Variants in DPYD observed in about 807,000 individuals in gnomAD.
The protein encoded by DPYD is dihydropyrimidine dehydrogenase [NADP(+)].
Under a neutral mutation model 116.2 loss-of-function variants are expected in DPYD, and 109 were observed. The observed-to-expected ratio is 0.94, with a 90% CI of 0.80 to 1.10. The LOEUF is 1.10. Among genes scored for constraint, DPYD ranks in the 50% least tolerant of loss-of-function variants. The probability of loss-of-function intolerance (pLI) is 0.00; values close to 1 mark genes in which losing one functional copy is unlikely to be tolerated. For synonymous variants in DPYD, 440 were observed against 432.0 expected (o/e 1.02, Z -0.23); for missense variants, 1,302 against 1,254.5 (o/e 1.04, Z -0.57).
intron 14 of DPYD, among the ~76,000 whole-genome samples, chr1:97,417,611 T>G (rs1245987605): frequency 6.6e-6 from 1 of 152,206 alleles, no homozygotes; most frequent in African/African-American, 2.4e-5. Context: ...AGCCATATTG[T>G]GTTGCCTGAT....
chr1:97,492,204 C>G (rs968475212), intron 13 of DPYD, among the ~76,000 whole-genome samples: 4 of 152,058 alleles, frequency 2.6e-5, no homozygotes, highest in Non-Finnish European at 5.9e-5. Context: ...AGGGCTTGGA[C>G]TTGTGGAATG....
At chr1:97,574,882 G>A (rs914676275) in intron 10 of DPYD, among the ~76,000 whole-genome samples, 2 of 151,994 alleles carry the variant, frequency 1.3e-5, no homozygotes, top group Non-Finnish European at 2.9e-5. Flanking sequence ...AGGCTCCCTG[G>A]GTAATGTTTC....
At chr1:97,835,993 C>T (rs1460688903) in intron 2 of DPYD, among the ~76,000 whole-genome samples, 1 of 152,132 alleles carries the variant, frequency 6.6e-6, no homozygotes, top group African/African-American at 2.4e-5. Context: ...CACAGCTACA[C>T]AACTGCTCTC....
At chr1:97,849,113 T>C (rs1010423594) in intron 2 of DPYD, among the ~76,000 whole-genome samples, 2 of 152,302 alleles carry the variant, frequency 1.3e-5, no homozygotes, top group African/African-American at 4.8e-5. Flanking sequence ...TACCATATTA[T>C]TGTGATACTG....
chr1:97,819,169 A>G (rs1668787658), intron 3 of DPYD, among the ~76,000 whole-genome samples: 1 of 151,966 alleles, frequency 6.6e-6, no homozygotes, highest in Non-Finnish European at 1.5e-5. Flanking sequence ...GTTTTTCTGT[A>G]ATAGAAATGA....
At chr1:97,246,984 C>T (rs1662763278) in intron 18 of DPYD, among the ~76,000 whole-genome samples, 1 of 151,996 alleles carries the variant, frequency 6.6e-6, no homozygotes, top group African/African-American at 2.4e-5. Flanking sequence ...TGTCTGCAGC[C>T]TTTCTAGAGA....
intron 1 of DPYD, among the ~76,000 whole-genome samples, chr1:97,898,979 C>T (rs1215089911): frequency 1.3e-5 from 2 of 151,800 alleles, no homozygotes; most frequent in African/African-American, 4.8e-5. Context: ...TAATCAGCAG[C>T]GTGAGAACAG....
At chr1:97,480,809 C>T (rs1026437618) in intron 13 of DPYD, among the ~76,000 whole-genome samples, 2 of 151,996 alleles carry the variant, frequency 1.3e-5, no homozygotes, top group Admixed American at 6.6e-5. Context: ...GGTGAAACCC[C>T]GTCTCTACTA....
chr1:97,560,505 T>C lies in DPYD; in HGVS notation c.1340-10761A>G, dbSNP rs149964104. Among the ~76,000 whole-genome samples the C allele has an allele frequency of 6.0e-3, 917 of 151,746 alleles. 5 individuals are homozygous for C. The highest frequency in any genetic ancestry group is 9.3e-3 in the Non-Finnish European group (630 of 67,952). On this transcript the variant is annotated intron_variant, in intron 11 of 22. Transcript: ENST00000370192. ...GCTATTCTTCCCAGGTGTTTCATAA[T>C]TTTTAATAGGAAAAAAAGCAAGGCA...
At chr1:97,454,715 G>A (rs1676591937) in intron 13 of DPYD, among the ~76,000 whole-genome samples, 1 of 151,874 alleles carries the variant, frequency 6.6e-6, no homozygotes. Context: ...TAAGCGGACT[G>A]ATTATATTTG....
chr1:97,587,240 G>C (rs949477243), intron 10 of DPYD, among the ~76,000 whole-genome samples: 2 of 152,120 alleles, frequency 1.3e-5, no homozygotes, highest in African/African-American at 2.4e-5. Flanking sequence ...TACCAGGGGA[G>C]CCCCTAACTA....
chr1:97,679,883 G>A (rs540744390), intron 7 of DPYD, among the ~76,000 whole-genome samples: 1 of 152,224 alleles, frequency 6.6e-6, no homozygotes, highest in East Asian at 1.9e-4. Flanking sequence ...AGTAAGTACT[G>A]TGATTCCCCT....
chr1:97,874,262 A>G (rs1380597387), intron 2 of DPYD, among the ~76,000 whole-genome samples: 1 of 151,974 alleles, frequency 6.6e-6, no homozygotes, highest in East Asian at 1.9e-4. Context: ...ACAGAGATGG[A>G]AAGAATATAT....
At chr1:97,139,326 GT>G (rs1332711207) in intron 20 of DPYD, among the ~76,000 whole-genome samples, 5 of 151,922 alleles carry the variant, frequency 3.3e-5, no homozygotes, top group Non-Finnish European at 5.9e-5. Context: ...ACTGCAAAGT[GT>G]TTTTTGTTCT....
At chr1:97,581,525 TAAGGCTATGAGTTG>T (rs944003842) in intron 10 of DPYD, among the ~76,000 whole-genome samples, 32 of 151,648 alleles carry the variant, frequency 2.1e-4, no homozygotes, top group Admixed American at 7.2e-4. Context: ...GAGAACTGTT[TAAGGCTATGAGTTG>T]AAGACTAGCC....
intron 8 of DPYD, among the ~76,000 whole-genome samples, chr1:97,650,699 AGTCCCTAGGGCATAACTCT>A (rs1433897720): frequency 6.6e-6 from 1 of 152,138 alleles, no homozygotes; most frequent in African/African-American, 2.4e-5. Flanking sequence ...AGGAATTAGT[AGTCCCTAGGGCATAACTCT>A]AATATAGATT....
chr1:97,693,997 C>T (rs1661167310), intron 6 of DPYD, among the ~76,000 whole-genome samples: 2 of 152,132 alleles, frequency 1.3e-5, no homozygotes, highest in Non-Finnish European at 2.9e-5. Context: ...CAGGAAGACA[C>T]CTGAGAAAGG....
At chr1:97,105,076 T>A (rs1433992383) in intron 20 of DPYD, among the ~76,000 whole-genome samples, 3 of 152,148 alleles carry the variant, frequency 2.0e-5, no homozygotes, top group African/African-American at 4.8e-5. Flanking sequence ...TATTTTCATA[T>A]TGAAACAATT....
At chr1:97,739,715 C>T (rs1664156628) in intron 4 of DPYD, among the ~76,000 whole-genome samples, 1 of 152,048 alleles carries the variant, frequency 6.6e-6, no homozygotes. Context: ...AAGGATTAGA[C>T]ACTTGGGCGA....
Sources: gnomAD v4.1 joint callset for allele counts (sites outside exome capture counted in the v4.1 genomes callset) on GRCh38, gnomAD v4.1.1 for gene constraint, MANE v1.5 for transcripts, NCBI Gene and HGNC (gene_info 2026-07-23, HGNC 2026-07-21) for gene names.